Variants in KCNAB1 observed in about 807,000 individuals in gnomAD.
KCNAB1 encodes potassium voltage-gated channel subfamily A regulatory beta subunit 1, also known as voltage-gated potassium channel subunit beta-1.
Under a neutral mutation model 64.6 loss-of-function variants are expected in KCNAB1, and 35 were observed. The observed-to-expected ratio is 0.54, with a 90% CI of 0.41 to 0.72. KCNAB1 has a LOEUF of 0.72. Ranked by LOEUF, KCNAB1 falls within the 30% of genes least tolerant of loss-of-function variation. The pLI is 0.00. For missense variants in KCNAB1, 401 were observed against 512.9 expected (o/e 0.78, Z 2.11); for synonymous variants, 177 against 183.8 (o/e 0.96, Z 0.30).
chr3:156,391,713 G>C (rs971820954), intron 1 of KCNAB1, among the ~76,000 whole-genome samples: 2 of 152,166 alleles, frequency 1.3e-5, no homozygotes, highest in Non-Finnish European at 1.5e-5. Flanking sequence ...CGGGGTTCCA[G>C]ACCTGCTTGA....
intron 1 of KCNAB1, among the ~76,000 whole-genome samples, chr3:156,128,785 T>C (rs921581663): frequency 6.6e-6 from 1 of 152,242 alleles, no homozygotes; most frequent in Non-Finnish European, 1.5e-5. Context: ...TTCAATGGGT[T>C]GATAATTTAT....
At chr3:156,149,028 AGTGCCTGGCATT>A (rs1348264933) in intron 1 of KCNAB1, among the ~76,000 whole-genome samples, 2 of 152,186 alleles carry the variant, frequency 1.3e-5, no homozygotes, top group Non-Finnish European at 2.9e-5. Flanking sequence ...CTGCATTTCC[AGTGCCTGGCATT>A]GTGCCTAGAA....
intron 1 of KCNAB1, among the ~76,000 whole-genome samples, chr3:156,278,337 C>T (rs1022705047): frequency 6.6e-6 from 1 of 152,230 alleles, no homozygotes; most frequent in African/African-American, 2.4e-5. Context: ...GGAAGCTCCT[C>T]CAGAGTCTGG....
At chr3:156,292,754 G>A (rs1398372029) in intron 1 of KCNAB1, among the ~76,000 whole-genome samples, 2 of 152,180 alleles carry the variant, frequency 1.3e-5, no homozygotes, top group East Asian at 3.8e-4. Flanking sequence ...TGTTGGCCAG[G>A]CTGGTCTCGA....
chr3:156,456,608 C>T (rs765468823), intron 3 of KCNAB1, among the ~76,000 whole-genome samples: 9 of 152,066 alleles, frequency 5.9e-5, no homozygotes, highest in Non-Finnish European at 1.0e-4. Context: ...TTTGGAAATG[C>T]GGATGAAGCA....
At chr3:156,237,141 G>T (rs1007761791) in intron 1 of KCNAB1, among the ~76,000 whole-genome samples, 50 of 152,026 alleles carry the variant, frequency 3.3e-4, no homozygotes, top group African/African-American at 1.2e-3. Flanking sequence ...GAGTTTATTG[G>T]TTTTAGCCCC....
chr3:156,318,477 C>T (rs1722444572), intron 1 of KCNAB1, among the ~76,000 whole-genome samples: 1 of 152,034 alleles, frequency 6.6e-6, no homozygotes, highest in Non-Finnish European at 1.5e-5. Flanking sequence ...GGAATATGGA[C>T]CCTATGCTGC....
At chr3:156,202,072 C>A (rs561105809) in intron 1 of KCNAB1, among the ~76,000 whole-genome samples, 1 of 152,144 alleles carries the variant, frequency 6.6e-6, no homozygotes, top group Non-Finnish European at 1.5e-5. Context: ...TTCTCTGGGG[C>A]TAAAGTCTCC....
intron 1 of KCNAB1, among the ~76,000 whole-genome samples, chr3:156,182,620 GTT>G (rs11306363): frequency 0.016 from 2,335 of 142,730 alleles, 44 homozygotes; most frequent in African/African-American, 0.046. Context: ...TCCAGGGTTG[GTT>G]TTTTTTTCCC....
intron 1 of KCNAB1, among the ~76,000 whole-genome samples, chr3:156,357,210 T>A (rs1162104019): frequency 2.0e-5 from 3 of 151,020 alleles, no homozygotes; most frequent in South Asian, 2.1e-4. Flanking sequence ...CTCGATTATC[T>A]TATCAAGACT....
intron 1 of KCNAB1, among the ~76,000 whole-genome samples, chr3:156,258,210 T>G (rs1157480997): frequency 6.6e-6 from 1 of 152,146 alleles, no homozygotes; most frequent in Non-Finnish European, 1.5e-5. Context: ...GGGTCACATA[T>G]ACACACCCAG....
chr3:156,388,318 T>G (rs1712767492), intron 1 of KCNAB1, among the ~76,000 whole-genome samples: 1 of 152,132 alleles, frequency 6.6e-6, no homozygotes, highest in South Asian at 2.1e-4. Flanking sequence ...AGGTTCAGAG[T>G]TCCTGGAAGG....
intron 7 of KCNAB1, chr3:156,474,530 T>C (rs931900165): frequency 2.2e-5 from 9 of 412,678 alleles, no homozygotes; most frequent in African/African-American, 1.8e-4. Flanking sequence ...GAAAAAGCTC[T>C]AAGACTTTTT....
intron 6 of KCNAB1, among the ~76,000 whole-genome samples, chr3:156,465,190 A>C (rs1331258570): frequency 2.0e-5 from 3 of 152,166 alleles, no homozygotes; most frequent in African/African-American, 7.2e-5. Context: ...TTAGTTTTAA[A>C]ATTTATTTTG....
At chr3:156,142,983 C>G in intron 1 of KCNAB1, 1 of 1,271,050 alleles carries the variant, frequency 7.9e-7, no homozygotes, top group Non-Finnish European at 9.9e-7. Context: ...TGGGCAGGGA[C>G]ACACAACCAA....
rs139416170 is a variant in KCNAB1 at position 156,443,146 on chromosome 3, C to T, written c.320-9753C>T. On this transcript the variant is annotated intron_variant, in intron 2 of 13. Coordinates refer to ENST00000490337, the MANE Select transcript of KCNAB1 (RefSeq NM_172160.3). ...GTTTGCTGCATCTATCAACTCATCA[C>T]TTAGGTATTAAGCACCACATGCATT... Among the ~76,000 whole-genome samples, 6 of 152,218 alleles carry T rather than the reference C, an allele frequency of 3.9e-5. No homozygotes were observed. In the East Asian group the frequency reaches 9.6e-4, roughly 24 times the overall value.
intron 1 of KCNAB1, among the ~76,000 whole-genome samples, chr3:156,297,186 A>G (rs1460582095): frequency 1.3e-5 from 2 of 151,770 alleles, no homozygotes. Context: ...GTAACCATTA[A>G]TCTTCAAGTC....
intron 1 of KCNAB1, among the ~76,000 whole-genome samples, chr3:156,349,763 C>T (rs951551160): frequency 6.6e-6 from 1 of 152,194 alleles, no homozygotes; most frequent in Non-Finnish European, 1.5e-5. Flanking sequence ...TGGGATTTCA[C>T]TATGTTGCCC....
At chr3:156,383,457 A>G (rs773196665) in intron 1 of KCNAB1, among the ~76,000 whole-genome samples, 2 of 151,834 alleles carry the variant, frequency 1.3e-5, no homozygotes, top group Non-Finnish European at 2.9e-5. Context: ...ACTTCAATCC[A>G]CTCTTAGGAT....
Sources: allele counts gnomAD v4.1 joint callset (sites outside exome capture counted in the v4.1 genomes callset), GRCh38; gene constraint gnomAD v4.1.1; transcripts MANE v1.5; gene names NCBI Gene and HGNC (gene_info 2026-07-23, HGNC 2026-07-21).